Variants in PABIR2 observed in about 807,000 individuals in gnomAD.
PABIR2 encodes the protein family with sequence similarity 122B.
Under a neutral mutation model 22.8 loss-of-function variants are expected in PABIR2, and 7 were observed. That is an observed-to-expected ratio of 0.31 (90% CI 0.17 to 0.58). The LOEUF (loss-of-function observed/expected upper bound fraction) is 0.58, where lower values mean the gene tolerates loss of function less well. PABIR2 is among the 20% of genes least tolerant of loss of function. PABIR2 has a pLI of 0.89. For synonymous variants in PABIR2, 67 were observed against 73.8 expected (o/e 0.91, Z 0.47); for missense variants, 155 against 205.1 (o/e 0.76, Z 1.49).
At position 134,771,972 on chromosome X, in the gene PABIR2, C is replaced by T; in HGVS notation, c.*167G>A. 3.1e-6 allele frequency: 3 copies of T among 973,260 alleles called. No homozygotes were observed. Among genetic ancestry groups the T allele is most frequent in the Non-Finnish European group, 3.9e-6 (3 of 775,244 alleles). The allele number at this position is 973,260 out of a possible 1,213,427, so 80.2% of individuals were successfully genotyped here. ...GATACTAGTAAGGTCACTAGGCTCACAAAATTGAACTTTGGAGAAGAGAGA... is the reference window on the plus strand; with the variant it reads ...GATACTAGTAAGGTCACTAGGCTCATAAAATTGAACTTTGGAGAAGAGAGA... On this transcript the variant is annotated 3_prime_UTR_variant, in exon 10 of 10. Coordinates refer to ENST00000343004, the MANE Select transcript of PABIR2 (RefSeq NM_001387468.1).
chrX:134,788,062 ATATATATGTAATATACACGT>A (rs1259003891), intron 6 of PABIR2, among the ~76,000 whole-genome samples: 5 of 107,772 alleles, frequency 4.6e-5, no homozygotes, highest in Admixed American at 2.1e-4. Context: ...TATACACGTT[ATATATATGTAATATACACGT>A]TATATGTGTA....
At chrX:134,792,005 A>C (rs1228490106) in intron 2 of PABIR2, among the ~76,000 whole-genome samples, 1 of 111,972 alleles carries the variant, frequency 8.9e-6, no homozygotes, top group Non-Finnish European at 1.9e-5. Flanking sequence ...AGCCATGAAG[A>C]TCCTACATCT....
In PABIR2 at chrX:134,771,598, A is replaced by G. The variant is rs972218825; in HGVS notation, c.*541T>C. On this transcript the variant is annotated 3_prime_UTR_variant, in exon 10 of 10. Coordinates refer to ENST00000343004, the MANE Select transcript of PABIR2 (RefSeq NM_001387468.1). ...CTGTGAGAAATGGCATAAGCGGCTCAAACAGGAAAGGGAAACAAAATAATG... is the reference window on the plus strand; with the variant it reads ...CTGTGAGAAATGGCATAAGCGGCTCGAACAGGAAAGGGAAACAAAATAATG... 1.1e-6 allele frequency: 1 copy of G among 899,837 alleles called. No individual in the cohort carries two copies. Among genetic ancestry groups the G allele is most frequent in the Non-Finnish European group, 1.4e-6 (1 of 733,572 alleles). The allele number at this position is 899,837 out of a possible 1,213,427, so 74.2% of individuals were successfully genotyped here.
At chrX:134,784,909 T>C (rs773081053) in intron 8 of PABIR2, among the ~76,000 whole-genome samples, 39 of 111,784 alleles carry the variant, frequency 3.5e-4, no homozygotes, top group African/African-American at 1.2e-3. Context: ...AAAAACTCCA[T>C]AGAATTGAAT....
rs753127939 is a variant in PABIR2 at position 134,787,527 on chromosome X, C to T, written c.442G>A (p.Val148Met). 6.8e-5 allele frequency: 82 copies of T among 1,201,673 alleles called. 1 individual carries two copies. The highest frequency in any genetic ancestry group is 4.1e-4 in the South Asian group (23 of 56,311). Residue 148 changes from valine to methionine, a missense_variant, in exon 7 of 10, where the codon GTG becomes ATG. By Grantham distance (21) the Val-to-Met change is conservative. Transcript: ENST00000343004. The stretch of plus-strand genomic sequence containing the variant: ...CTTGGTGGCAATCCACTGCTGCTCA[C>T]GAACATCTGTAAGAAGGGTGAAAAA... ...SPTRGFGKMF[V>M]SSSGLPPSPV...
chrX:134,770,060 A>T lies in PABIR2; in HGVS notation c.*2079T>A, dbSNP rs2147861083. 1 of 112,410 alleles carries T rather than the reference A, an allele frequency of 8.9e-6. No individual in the cohort carries two copies. Among genetic ancestry groups the T allele is most frequent in the Non-Finnish European group, 1.9e-5 (1 of 53,248 alleles). The allele number at this position is 112,410 out of a possible 1,213,427, so 9.3% of individuals were successfully genotyped here. ...AATTCTATCCCACCATTGAATTTCA[A>T]AAATTAATGTAAATACCATCATATT... On this transcript the variant is annotated 3_prime_UTR_variant, in exon 10 of 10. Coordinates refer to ENST00000343004, the MANE Select transcript of PABIR2 (RefSeq NM_001387468.1).
At chrX:134,789,777 G>T in intron 2 of PABIR2, 141 bp from the exon 3 acceptor site, 1 of 492,772 alleles carries the variant, frequency 2.0e-6, no homozygotes, top group Non-Finnish European at 3.3e-6. Context: ...GAACGTTAAT[G>T]CACTAAAGGC....
chrX:134,787,669 G>A, intron 6 of PABIR2, 136 bp from the exon 7 acceptor site: 1 of 554,442 alleles, frequency 1.8e-6, no homozygotes, highest in South Asian at 3.5e-5. Flanking sequence ...AAGCTGGAGT[G>A]CAGTGATGCG....
rs762275572 is a variant in PABIR2, at chrX:134,770,217, C to T, written c.*1922G>A. On this transcript the variant is annotated 3_prime_UTR_variant, in exon 10 of 10. Transcript: ENST00000343004. ...ATCTATTATCATTATAGAGGCAGAA[C>T]ATTTTGACATGATCTTTTACAAACA... 1 of 112,255 alleles carries T rather than the reference C, an allele frequency of 8.9e-6. No homozygotes were observed. Among genetic ancestry groups the T allele is most frequent in the Admixed American group, 9.5e-5 (1 of 10,523 alleles). 9.3% of individuals were successfully genotyped at this position (112,255 alleles called of 1,213,427 possible).
chrX:134,796,077 C>T, intron 1 of PABIR2, 31 bp downstream of exon 1: 1 of 1,176,946 alleles, frequency 8.5e-7, no homozygotes. Context: ...GCCCCTGAAT[C>T]CTGTACTCCA....
rs994535701 is a variant in PABIR2 at position 134,774,591 on chromosome X, G to C, written c.660-2308C>G. Among the ~76,000 whole-genome samples the C allele has an allele frequency of 5.4e-5, 6 of 110,636 alleles. No individual in the cohort carries two copies. The Admixed American group carries it at 5.8e-4, about 11-fold the overall frequency. ...AAACATGACTCATGCAGTGAAATTT[G>C]ACTTCTAACACTGCTGATTACCTTA... On this transcript the variant is annotated intron_variant, in intron 9 of 9. Coordinates refer to ENST00000343004, the MANE Select transcript of PABIR2 (RefSeq NM_001387468.1).
rs2078811496 is a variant in PABIR2 at position 134,769,798 on chromosome X, T to C, written c.*2341A>G. ...ATATATTAGAATAGGAAGAGAGAAT[T>C]TTACTTTATAACAATCGCTTTTCAA... On this transcript the variant is annotated 3_prime_UTR_variant, in exon 10 of 10. Transcript: ENST00000343004. The C allele has an allele frequency of 8.9e-6, 1 of 111,879 alleles. No individual in the cohort carries two copies. Among genetic ancestry groups the C allele is most frequent in the African/African-American group, 3.3e-5 (1 of 30,726 alleles). The allele number at this position is 111,879 out of a possible 1,213,427, so 9.2% of individuals were successfully genotyped here.
At chrX:134,789,717 C>T in intron 2 of PABIR2, 81 bp from the exon 3 acceptor site, 2 of 861,989 alleles carry the variant, frequency 2.3e-6, no homozygotes, top group Non-Finnish European at 3.2e-6. Context: ...ACAACCTCTT[C>T]CTAGGTAAGT....
chrX:134,790,473 A>G (rs1360717469), intron 2 of PABIR2, among the ~76,000 whole-genome samples: 1 of 112,856 alleles, frequency 8.9e-6, no homozygotes, highest in African/African-American at 3.2e-5. Flanking sequence ...GAGGCCCTAC[A>G]CTATTAAAAC....
Position 134,777,885 on chromosome X carries a change from G to GTTT in PABIR2, c.659+3933_659+3935dup, listed in dbSNP as rs1246080322. Reference sequence around the variant, plus strand: ...GATCCAGTTTTTGTTTGTTTGGTTGGTTTTTTTTTTTTTTTTTTTTTTGAG... The same window carrying GTTT: ...GATCCAGTTTTTGTTTGTTTGGTTGGTTTTTTTTTTTTTTTTTTTTTTTTTGAG... On this transcript the variant is annotated intron_variant, in intron 9 of 9. Transcript: ENST00000343004. Among the ~76,000 whole-genome samples, 36 of 80,156 alleles carry GTTT rather than the reference G, an allele frequency of 4.5e-4. 1 individual carries two copies. The highest frequency in any genetic ancestry group is 1.1e-3 in the African/African-American group (21 of 19,608). 69.6% of individuals were successfully genotyped at this position (80,156 alleles called of 115,157 possible).
chrX:134,781,983 T>C, intron 8 of PABIR2, 66 bp from the exon 9 acceptor site: 3 of 751,400 alleles, frequency 4.0e-6, no homozygotes, highest in Middle Eastern at 6.2e-4. Flanking sequence ...TGCTAACATA[T>C]GATGACCTTT....
At chrX:134,780,260 G>A (rs756294874) in intron 9 of PABIR2, among the ~76,000 whole-genome samples, 83 of 112,443 alleles carry the variant, frequency 7.4e-4, no homozygotes, top group South Asian at 2.2e-3. Context: ...TTTTTAAAGT[G>A]AGTGCCCTCA....
intron 6 of PABIR2, among the ~76,000 whole-genome samples, chrX:134,787,796 ATT>A (rs1176576789): frequency 4.3e-5 from 4 of 91,964 alleles, no homozygotes; most frequent in Admixed American, 1.2e-4. Context: ...TTTTGTATCT[ATT>A]TTTTTTTTTT....
intron 6 of PABIR2, 76 bp from the exon 7 acceptor site, chrX:134,787,609 T>TA: frequency 1.8e-4 from 121 of 676,331 alleles, no homozygotes; most frequent in Non-Finnish European, 2.3e-4. Flanking sequence ...CAGTTTTCTT[T>TA]CTTTTTTTTT....
Sources: allele counts gnomAD v4.1 joint callset (sites outside exome capture counted in the v4.1 genomes callset), GRCh38; gene constraint gnomAD v4.1.1; transcripts MANE v1.5; gene names NCBI Gene and HGNC (gene_info 2026-07-23, HGNC 2026-07-21).